Variants in AGAP1 observed in about 807,000 individuals in gnomAD.
AGAP1 encodes the protein arf-GAP with GTPase, ANK repeat and PH domain-containing protein 1.
Under a neutral mutation model 105.3 loss-of-function variants are expected in AGAP1, and 29 were observed. The ratio of observed to expected loss-of-function variants is 0.28; its 90% CI spans 0.21 to 0.38. AGAP1 has a LOEUF of 0.38. Among genes scored for constraint, AGAP1 ranks in the 10% least tolerant of loss-of-function variants. AGAP1 has a pLI of 1.00. For synonymous variants in AGAP1, 509 were observed against 485.9 expected, an observed-to-expected ratio of 1.05 and a Z score of -0.63; for missense variants, 998 against 1,165.1, an observed-to-expected ratio of 0.86 and a Z score of 2.09.
intron 1 of AGAP1, among the ~76,000 whole-genome samples, chr2:235,573,447 C>T (rs1029685507): frequency 6.6e-6 from 1 of 152,130 alleles, no homozygotes; most frequent in Non-Finnish European, 1.5e-5. Context: ...CAGCTTGTTT[C>T]ATTGAGACTT....
At chr2:235,948,475 CTG>C (rs2053595274) in intron 12 of AGAP1, among the ~76,000 whole-genome samples, 1 of 152,218 alleles carries the variant, frequency 6.6e-6, no homozygotes, top group Non-Finnish European at 1.5e-5. Context: ...ACGTGAGCCA[CTG>C]CGCCTGGCCT....
intron 9 of AGAP1, among the ~76,000 whole-genome samples, chr2:235,838,185 C>T (rs1575589213): frequency 6.6e-6 from 1 of 151,898 alleles, no homozygotes; most frequent in African/African-American, 2.4e-5. Context: ...GACTGTGTCC[C>T]CCCACCCCCC....
intron 9 of AGAP1, among the ~76,000 whole-genome samples, chr2:235,859,910 T>G (rs2106502981): frequency 6.6e-6 from 1 of 152,336 alleles, no homozygotes; most frequent in Non-Finnish European, 1.5e-5. Flanking sequence ...CGCAGCGCCT[T>G]CCACCAGCAA....
chr2:235,821,657 G>A (rs546808643), intron 9 of AGAP1, among the ~76,000 whole-genome samples: 12 of 152,204 alleles, frequency 7.9e-5, no homozygotes, highest in African/African-American at 2.9e-4. Context: ...TATATAACTA[G>A]TACAGCTATA....
In AGAP1 at chr2:235,608,504, CT is replaced by C. The variant is rs1946022215; in HGVS notation, c.164-100674del. On this transcript the variant is annotated intron_variant, in intron 1 of 17. Transcript: ENST00000304032. This position sits in a 1 kb window ranked among gnomAD's most constrained non-coding sequence, Gnocchi z 5.4. ...CCTGGGTCCCATGTTGGCAGCCTCC[CT>C]GGCCCAGCGTTGGGCTGGGACCCTC... 2.0e-5 allele frequency among the ~76,000 whole-genome samples: 3 copies of C among 152,156 alleles called. No homozygotes were observed. The highest frequency in any genetic ancestry group is 4.4e-5 in the Non-Finnish European group (3 of 68,034).
chr2:235,890,754 G>A (rs867416777), intron 10 of AGAP1, among the ~76,000 whole-genome samples: 3 of 152,112 alleles, frequency 2.0e-5, no homozygotes, highest in Admixed American at 6.5e-5. Context: ...CATGGAGAAC[G>A]AATTCTTTCA....
rs538748684 is a variant in AGAP1 at position 235,556,410 on chromosome 2, G to A, written c.163+61561G>A. On this transcript the variant is annotated intron_variant, in intron 1 of 17. Coordinates refer to ENST00000304032, the MANE Select transcript of AGAP1 (RefSeq NM_001037131.3). The surrounding 1 kb of genome is among the most constrained non-coding windows in gnomAD (Gnocchi z 5.3). ...TGACCCCAAGGCCCAGGCCAGTCTC[G>A]TCCAGGCTGCCCACACCTAGGTCTT... Among the ~76,000 whole-genome samples, 2 of 152,222 alleles carry A rather than the reference G, an allele frequency of 1.3e-5. No homozygotes were observed. Among genetic ancestry groups the A allele is most frequent in the Admixed American group, 6.5e-5 (1 of 15,286 alleles).
chr2:236,001,200 C>G lies in AGAP1; in HGVS notation c.1645+32577C>G, dbSNP rs1262171970. ...GCAGAGAATGCTGAGATAAACGCCA[C>G]CATCAGAAACCAAGAGAAAGGAAAG... On this transcript the variant is annotated intron_variant, in intron 13 of 17. Coordinates refer to ENST00000304032, the MANE Select transcript of AGAP1 (RefSeq NM_001037131.3). This position sits in a 1 kb window ranked among gnomAD's most constrained non-coding sequence, Gnocchi z 4.7. Among the ~76,000 whole-genome samples, 1 of 152,108 alleles carries G rather than the reference C, an allele frequency of 6.6e-6. No individual in the cohort carries two copies. Among genetic ancestry groups the G allele is most frequent in the African/African-American group, 2.4e-5 (1 of 41,418 alleles).
rs1945455704 is a variant in AGAP1, at chr2:235,594,553, G to C, written c.163+99704G>C. ...GATTTATCAATTTTAAAGAAGAATTGACAATATGATGCGGAGTTTTCCAGA... is the reference window on the plus strand; with the variant it reads ...GATTTATCAATTTTAAAGAAGAATTCACAATATGATGCGGAGTTTTCCAGA... On this transcript the variant is annotated intron_variant, in intron 1 of 17. Transcript: ENST00000304032. 2.0e-5 allele frequency among the ~76,000 whole-genome samples: 3 copies of C among 152,048 alleles called. No homozygotes were observed. In the South Asian group the frequency reaches 6.2e-4, roughly 32 times the overall value.
rs1227024320 is a variant in AGAP1, at chr2:235,700,227, T to TA, written c.164-8952_164-8951insA. Among the ~76,000 whole-genome samples the TA allele has an allele frequency of 6.6e-6, 1 of 152,212 alleles. No homozygotes were observed. Among genetic ancestry groups the TA allele is most frequent in the East Asian group, 1.9e-4 (1 of 5,206 alleles). Reference sequence around the variant, plus strand: ...GCCTCAGCTAATGGAACACAGTTCTTCTGAAGGAAATGCGGAAGATAATCC... The same window carrying TA: ...GCCTCAGCTAATGGAACACAGTTCTTACTGAAGGAAATGCGGAAGATAATCC... On this transcript the variant is annotated intron_variant, in intron 1 of 17. Transcript: ENST00000304032. This position sits in a 1 kb window ranked among gnomAD's most constrained non-coding sequence, Gnocchi z 6.1.
chr2:235,809,631 C>G (rs541168960), intron 9 of AGAP1, among the ~76,000 whole-genome samples: 71 of 152,322 alleles, frequency 4.7e-4, no homozygotes, highest in African/African-American at 1.3e-3. Context: ...GTCAAAGCCT[C>G]TCTGTGCATC....
At position 235,930,614 on chromosome 2, in the gene AGAP1, TG is replaced by T; in HGVS notation, c.1325-149del. 1 of 705,470 alleles carries T rather than the reference TG, an allele frequency of 1.4e-6. No individual in the cohort carries two copies. Among genetic ancestry groups the T allele is most frequent in the Non-Finnish European group, 2.3e-6 (1 of 438,498 alleles). The allele number at this position is 705,470 out of a possible 1,614,324, so 43.7% of individuals were successfully genotyped here. ...TTATTCCTCCCGAATAGTTTCTGTC[TG>T]GCGCTTCCGTTTGCCATGCAGGCAG... On this transcript the variant is annotated intron_variant, in intron 11 of 17. Coordinates refer to ENST00000304032, the MANE Select transcript of AGAP1 (RefSeq NM_001037131.3). This position sits in a 1 kb window ranked among gnomAD's most constrained non-coding sequence, Gnocchi z 7.9.
At position 236,120,250 on chromosome 2, in the gene AGAP1, C is replaced by T; in HGVS notation, c.2173C>T (p.Leu725=). The change falls in exon 17 of 18, where the codon CTG becomes TTG. Residue 725 remains leucine, a synonymous_variant. Transcript: ENST00000304032. The surrounding 1 kb of genome is among the most constrained non-coding windows in gnomAD (Gnocchi z 6.0). ...KYEQKLFLAP[L]PCTELSLGQH... Reference sequence around the variant, plus strand: ...CGAGCAGAAGCTCTTCCTGGCCCCGCTGCCCTGCACGGAGCTGTCCCTGGG... The same window carrying T: ...CGAGCAGAAGCTCTTCCTGGCCCCGTTGCCCTGCACGGAGCTGTCCCTGGG... 6.2e-7 allele frequency: 1 copy of T among 1,613,440 alleles called. No individual in the cohort carries two copies. Among genetic ancestry groups the T allele is most frequent in the Non-Finnish European group, 8.5e-7 (1 of 1,179,680 alleles).
intron 1 of AGAP1, among the ~76,000 whole-genome samples, chr2:235,534,358 C>T (rs1438858020): frequency 6.6e-6 from 1 of 152,062 alleles, no homozygotes; most frequent in Non-Finnish European, 1.5e-5. Context: ...AGGGGGTCGG[C>T]CAGACATGTC....
At chr2:235,640,003 T>G (rs888569253) in intron 1 of AGAP1, among the ~76,000 whole-genome samples, 1 of 152,240 alleles carries the variant, frequency 6.6e-6, no homozygotes, top group Non-Finnish European at 1.5e-5. Flanking sequence ...TTGGGTTATC[T>G]CTCAGGAAGC....
At chr2:235,910,575 G>A (rs150384508) in intron 11 of AGAP1, among the ~76,000 whole-genome samples, 1 of 152,314 alleles carries the variant, frequency 6.6e-6, no homozygotes, top group East Asian at 1.9e-4. Context: ...GTAAAATGCT[G>A]AAGGCTTTAT....
At position 236,061,647 on chromosome 2, in the gene AGAP1, G is replaced by A. The variant is rs1479556541; in HGVS notation, c.2114+12366G>A. ...TTCCATCTGTCTGATGGCGAAAACA[G>A]GCACCTCCATAGTAATGCAAAGTAG... On this transcript the variant is annotated intron_variant, in intron 16 of 17. Coordinates refer to ENST00000304032, the MANE Select transcript of AGAP1 (RefSeq NM_001037131.3). The surrounding 1 kb of genome is among the most constrained non-coding windows in gnomAD (Gnocchi z 4.1). Among the ~76,000 whole-genome samples the A allele has an allele frequency of 6.6e-6, 1 of 152,130 alleles. No homozygotes were observed. Among genetic ancestry groups the A allele is most frequent in the African/African-American group, 2.4e-5 (1 of 41,430 alleles).
intron 16 of AGAP1, among the ~76,000 whole-genome samples, chr2:236,116,313 T>G (rs942544655): frequency 6.6e-6 from 1 of 151,080 alleles, no homozygotes; most frequent in African/African-American, 2.4e-5. Flanking sequence ...TGATTTTTTT[T>G]CCATAAGTTA....
At chr2:235,784,414 A>G (rs1956478524) in intron 6 of AGAP1, among the ~76,000 whole-genome samples, 1 of 152,194 alleles carries the variant, frequency 6.6e-6, no homozygotes, top group East Asian at 1.9e-4. Flanking sequence ...ATTCAAAATC[A>G]ATCAGTATTC....
Sources: allele counts gnomAD v4.1 joint callset (sites outside exome capture counted in the v4.1 genomes callset), GRCh38; gene constraint gnomAD v4.1.1; non-coding constraint Gnocchi (gnomAD v3.1); transcripts MANE v1.5; gene names NCBI Gene and HGNC (gene_info 2026-07-23, HGNC 2026-07-21).